CNKSR2: variants seen among roughly 807,000 people sequenced by gnomAD.
The protein encoded by CNKSR2 is connector enhancer of kinase suppressor of Ras 2.
CNKSR2 carries 14 observed loss-of-function variants against 84.4 expected under a neutral mutation model. The ratio of observed to expected loss-of-function variants is 0.17; its 90% confidence interval spans 0.11 to 0.26. The LOEUF (loss-of-function observed/expected upper bound fraction) is 0.26. Ranked by LOEUF, CNKSR2 falls within the 10% of genes least tolerant of loss-of-function variation. The pLI, the probability that CNKSR2 is intolerant of heterozygous loss-of-function variation, is 1.00. For synonymous variants in CNKSR2, 275 were observed against 277.9 expected (o/e 0.99, Z 0.10); for missense variants, 485 against 771.2 (o/e 0.63, Z 4.40).
At chrX:21,539,070 A>G (rs954522605) in intron 11 of CNKSR2, 2 of 112,597 alleles carry the variant, frequency 1.8e-5, no homozygotes, top group East Asian at 5.6e-4. Context: ...ACTTAATATT[A>G]ACTATTACAA....
chrX:21,503,201 T>C (rs2091577144), intron 8 of CNKSR2: 3 of 291,081 alleles, frequency 1.0e-5, no homozygotes, highest in Admixed American at 1.2e-4. Flanking sequence ...ATTGGTGACA[T>C]TTAAATACAC....
chrX:21,432,097 A>T (rs1435420415), intron 2 of CNKSR2, among the ~76,000 whole-genome samples: 1 of 111,788 alleles, frequency 8.9e-6, no homozygotes, highest in Non-Finnish European at 1.9e-5. Flanking sequence ...CATTATGTAG[A>T]GTACGTATTT....
At chrX:21,551,471 A>AG (rs745576558) in intron 11 of CNKSR2, among the ~76,000 whole-genome samples, 2 of 112,258 alleles carry the variant, frequency 1.8e-5, no homozygotes, top group African/African-American at 6.5e-5. Flanking sequence ...TGCAACTATG[A>AG]GGGGGGAAAA....
chrX:21,471,813 CT>C (rs1457367153), intron 5 of CNKSR2, among the ~76,000 whole-genome samples: 10 of 111,424 alleles, frequency 9.0e-5, no homozygotes, highest in African/African-American at 3.3e-4. Flanking sequence ...ATTTACTTTT[CT>C]CCTTATTAGT....
At chrX:21,592,833 AC>A (rs1287900050) in intron 15 of CNKSR2, 1 of 110,090 alleles carries the variant, frequency 9.1e-6, no homozygotes, top group Admixed American at 9.9e-5. Context: ...TATATTAAAT[AC>A]TTTTTATATG....
intron 4 of CNKSR2, among the ~76,000 whole-genome samples, chrX:21,441,664 C>T (rs1348524497): frequency 3.6e-5 from 4 of 111,307 alleles, no homozygotes; most frequent in Non-Finnish European, 5.7e-5. Context: ...TCTAATTCAG[C>T]CATTATATAC....
intron 1 of CNKSR2, among the ~76,000 whole-genome samples, chrX:21,421,429 C>CGG (rs1329745292): frequency 9.3e-6 from 1 of 108,008 alleles, no homozygotes; most frequent in Non-Finnish European, 1.9e-5. Flanking sequence ...GGTGTCCTTG[C>CGG]GGGGGGCTAG....
intron 1 of CNKSR2, among the ~76,000 whole-genome samples, chrX:21,389,383 A>G (rs1206267085): frequency 9.1e-6 from 1 of 110,245 alleles, no homozygotes; most frequent in South Asian, 3.9e-4. Flanking sequence ...ATAGGAGAAT[A>G]TGGGTGAAGA....
At chrX:21,470,640 T>G (rs895932970) in intron 4 of CNKSR2, 126 bp from the exon 5 acceptor site, 1 of 341,107 alleles carries the variant, frequency 2.9e-6, no homozygotes, top group African/African-American at 2.7e-5. Context: ...TCCTAGATTT[T>G]TCCTGTTATT....
At chrX:21,633,120 A>AT (rs1477584418) in intron 20 of CNKSR2, among the ~76,000 whole-genome samples, 1 of 110,380 alleles carries the variant, frequency 9.1e-6, no homozygotes, top group African/African-American at 3.3e-5. Flanking sequence ...AGCTGCTATT[A>AT]TTTTTTTGCC....
At chrX:21,563,599 A>G in intron 13 of CNKSR2, 147 bp downstream of exon 13, 2 of 450,506 alleles carry the variant, frequency 4.4e-6, no homozygotes, top group East Asian at 3.8e-5. Context: ...TTAAAAAATG[A>G]TGGGTAATTG....
At chrX:21,505,399 A>G (rs2091602647) in intron 8 of CNKSR2, 1 of 111,525 alleles carries the variant, frequency 9.0e-6, no homozygotes, top group African/African-American at 3.3e-5. Flanking sequence ...CCAGGTTGGG[A>G]TAGTCAAGAA....
chrX:21,609,200 C>G lies in CNKSR2; in HGVS notation c.2275C>G (p.Arg759Gly), dbSNP rs1413945141. ...VTGSSAVSPI[R>G]KTASQRRSWQ... ...TGGGAGCAGTGCAGTGTCTCCCATT[C>G]GCAAGACAGCCAGTCAGCGCCGCTC... The change falls in exon 20 of 22, where the codon CGC becomes GGC. Residue 759 changes from arginine (R) to glycine (G), a missense_variant. Physicochemically the swap from Arg to Gly is moderately radical, Grantham distance 125. Coordinates refer to ENST00000379510, the MANE Select transcript of CNKSR2 (RefSeq NM_014927.5). The G allele has an allele frequency of 6.6e-6, 8 of 1,210,554 alleles. No homozygotes were observed. The highest frequency in any genetic ancestry group is 8.9e-6 in the Non-Finnish European group (8 of 894,511).
At chrX:21,478,278 T>C (rs2091280222) in intron 5 of CNKSR2, among the ~76,000 whole-genome samples, 1 of 111,768 alleles carries the variant, frequency 8.9e-6, no homozygotes, top group African/African-American at 3.2e-5. Context: ...CTTTGGTGGT[T>C]AATTGCATTG....
chrX:21,617,049 C>T (rs1385687679), intron 20 of CNKSR2, among the ~76,000 whole-genome samples: 2 of 111,641 alleles, frequency 1.8e-5, no homozygotes, highest in Non-Finnish European at 3.8e-5. Context: ...AGCTAATGCT[C>T]ACACAAAACA....
At chrX:21,387,164 A>G (rs745670312) in intron 1 of CNKSR2, among the ~76,000 whole-genome samples, 2 of 112,287 alleles carry the variant, frequency 1.8e-5, no homozygotes, top group South Asian at 7.4e-4. Context: ...CATACTGGAA[A>G]CTAATGCATG....
chrX:21,536,900 T>G (rs1056542554), intron 11 of CNKSR2, among the ~76,000 whole-genome samples: 3 of 108,895 alleles, frequency 2.8e-5, no homozygotes, highest in Non-Finnish European at 5.7e-5. Flanking sequence ...CCACTAATTT[T>G]GAGTTTGATT....
At chrX:21,632,390 C>T (rs2092652073) in intron 20 of CNKSR2, among the ~76,000 whole-genome samples, 1 of 111,415 alleles carries the variant, frequency 9.0e-6, no homozygotes, top group African/African-American at 3.3e-5. Context: ...GTTCCCAAGG[C>T]CTTTTTTAAA....
At chrX:21,551,839 GTCAGAGACCT>G (rs2092095654) in intron 11 of CNKSR2, among the ~76,000 whole-genome samples, 1 of 111,714 alleles carries the variant, frequency 9.0e-6, no homozygotes, top group Admixed American at 9.5e-5. Context: ...GAAAATCAAA[GTCAGAGACCT>G]TGTATGGCAC....
Sources: allele counts gnomAD v4.1 joint callset (sites outside exome capture counted in the v4.1 genomes callset), GRCh38; gene constraint gnomAD v4.1.1; transcripts MANE v1.5; gene names NCBI Gene and HGNC (gene_info 2026-07-23, HGNC 2026-07-21).